The following TMEM167A variants were observed in gnomAD, a reference collection of about 807,000 sequenced individuals.
TMEM167A encodes protein kish-A.
A neutral mutation model predicts 11.6 loss-of-function variants in TMEM167A; 8 were observed. The observed-to-expected ratio is 0.69, with a 90% confidence interval of 0.40 to 1.24. TMEM167A has a LOEUF of 1.24. Among genes scored for constraint, TMEM167A ranks in the 50% most tolerant of loss-of-function variants. The pLI, the probability that TMEM167A is intolerant of heterozygous loss-of-function variation, is 0.01. For synonymous variants in TMEM167A, 22 were observed against 28.0 expected, an observed-to-expected ratio of 0.79 and a Z score of 0.67; for missense variants, 62 against 87.0, an observed-to-expected ratio of 0.71 and a Z score of 1.14.
chr5:83,060,647 T>C (rs932669719), intron 3 of TMEM167A, among the ~76,000 whole-genome samples: 2 of 151,962 alleles, frequency 1.3e-5, no homozygotes, highest in Admixed American at 6.6e-5. Context: ...CTGGCCGACA[T>C]AGTGAAACCC....
Position 83,077,365 on chromosome 5 carries a change from C to G in TMEM167A, c.-42G>C. On this transcript the variant is annotated 5_prime_UTR_variant, in exon 1 of 4. Transcript: ENST00000502346. Reference sequence around the variant, plus strand: ...CCGCAGCCACATCACCCTTCCGGGGCTCAGGCGGAAGAGGCTGCATGTCCC... The same window carrying G: ...CCGCAGCCACATCACCCTTCCGGGGGTCAGGCGGAAGAGGCTGCATGTCCC... The G allele has an allele frequency of 6.2e-7, 1 of 1,614,160 alleles. No individual in the cohort carries two copies. The highest frequency in any genetic ancestry group is 8.5e-7 in the Non-Finnish European group (1 of 1,179,998).
chr5:83,065,779 G>T (rs1172790830), intron 1 of TMEM167A, among the ~76,000 whole-genome samples: 6 of 152,114 alleles, frequency 3.9e-5, no homozygotes, highest in African/African-American at 1.4e-4. Flanking sequence ...AATAGTTTGA[G>T]TCTTATTCCA....
chr5:83,069,982 C>T (rs776386362), intron 1 of TMEM167A, among the ~76,000 whole-genome samples: 3 of 152,072 alleles, frequency 2.0e-5, no homozygotes, highest in Non-Finnish European at 2.9e-5. Flanking sequence ...TATATGCTTA[C>T]TTCTCAAGAA....
intron 3 of TMEM167A, among the ~76,000 whole-genome samples, chr5:83,061,362 G>C (rs1224016887): frequency 6.6e-6 from 1 of 152,126 alleles, no homozygotes; most frequent in African/African-American, 2.4e-5. Context: ...ATCTAAATTA[G>C]AAAGATTTTC....
intron 3 of TMEM167A, among the ~76,000 whole-genome samples, chr5:83,059,933 T>C (rs908897094): frequency 5.3e-5 from 8 of 151,418 alleles, no homozygotes; most frequent in Admixed American, 2.6e-4. Flanking sequence ...CTAGGGTATA[T>C]CTGTGATTTT....
intron 2 of TMEM167A, among the ~76,000 whole-genome samples, chr5:83,063,698 C>T (rs1438238721): frequency 6.6e-6 from 1 of 151,952 alleles, no homozygotes; most frequent in Non-Finnish European, 1.5e-5. Context: ...ATTTTACTTA[C>T]ACATGCACAC....
chr5:83,062,843 T>C (rs947626199), intron 2 of TMEM167A, among the ~76,000 whole-genome samples: 2 of 149,818 alleles, frequency 1.3e-5, no homozygotes, highest in African/African-American at 2.5e-5. Flanking sequence ...GAAAAATTTA[T>C]AGTATACTTT....
chr5:83,065,923 C>T (rs371096572), intron 1 of TMEM167A, among the ~76,000 whole-genome samples: 20 of 152,202 alleles, frequency 1.3e-4, no homozygotes, highest in South Asian at 6.2e-4. Context: ...TCTAGCATCA[C>T]CTTTTTAAGG....
chr5:83,075,259 T>C (rs1388055040), intron 1 of TMEM167A, among the ~76,000 whole-genome samples: 1 of 151,662 alleles, frequency 6.6e-6, no homozygotes, highest in Non-Finnish European at 1.5e-5. Context: ...TAGAAGAAAA[T>C]AGAAGGGGTT....
chr5:83,061,994 A>G (rs1744414095), intron 2 of TMEM167A, 83 bp from the exon 3 acceptor site: 1 of 1,126,224 alleles, frequency 8.9e-7, no homozygotes, highest in South Asian at 1.3e-5. Flanking sequence ...ATAGGGAATT[A>G]ATTGTATATT....
intron 1 of TMEM167A, among the ~76,000 whole-genome samples, chr5:83,071,837 C>A (rs746881719): frequency 6.6e-5 from 10 of 152,076 alleles, no homozygotes; most frequent in Non-Finnish European, 1.3e-4. Context: ...ACAGTGGCCA[C>A]AAAATATTTG....
At chr5:83,057,287 A>G in intron 3 of TMEM167A, 133 bp from the exon 4 acceptor site, 1 of 699,260 alleles carries the variant, frequency 1.4e-6, no homozygotes, top group Non-Finnish European at 2.5e-6. Context: ...GGGCAGTGAC[A>G]AAAACTAGAT....
intron 1 of TMEM167A, among the ~76,000 whole-genome samples, chr5:83,071,625 G>T (rs1056736028): frequency 5.3e-5 from 8 of 152,266 alleles, no homozygotes; most frequent in African/African-American, 1.9e-4. Flanking sequence ...AGAATTGGTT[G>T]AAAAGATTTC....
chr5:83,064,704 G>A (rs1744456358), intron 2 of TMEM167A, among the ~76,000 whole-genome samples: 1 of 152,034 alleles, frequency 6.6e-6, no homozygotes. Flanking sequence ...GTGTCTACAA[G>A]GAGATGGAGT....
chr5:83,064,318 G>A (rs1408026430), intron 2 of TMEM167A: 1 of 518,572 alleles, frequency 1.9e-6, no homozygotes, highest in South Asian at 1.4e-5. Flanking sequence ...GGAATGAGAA[G>A]CAGACATTTC....
At chr5:83,057,305 A>G (rs1466850507) in intron 3 of TMEM167A, 151 bp from the exon 4 acceptor site, 3 of 641,226 alleles carry the variant, frequency 4.7e-6, no homozygotes, top group Non-Finnish European at 8.3e-6. Flanking sequence ...GATGCAACAT[A>G]AAAAACAAGT....
At chr5:83,068,505 T>C (rs1012484924) in intron 1 of TMEM167A, among the ~76,000 whole-genome samples, 6 of 152,086 alleles carry the variant, frequency 3.9e-5, no homozygotes, top group Non-Finnish European at 7.4e-5. Context: ...TTGTTGAATG[T>C]GGAAGTGAGT....
At chr5:83,071,053 A>G (rs561477811) in intron 1 of TMEM167A, among the ~76,000 whole-genome samples, 2 of 152,278 alleles carry the variant, frequency 1.3e-5, no homozygotes, top group Admixed American at 6.5e-5. Context: ...ATGCTAAACA[A>G]GCTGTGGCTA....
rs1166742757 is a variant in TMEM167A, at chr5:83,053,342, T to G, written c.*3742A>C. The stretch of plus-strand genomic sequence containing the variant: ...CACTGCTTCTTGTGCAGGTGTGTGC[T>G]TTAACAATCAGGGCTGCTTTTGGTA... On this transcript the variant is annotated 3_prime_UTR_variant, in exon 4 of 4. Coordinates refer to ENST00000502346, the MANE Select transcript of TMEM167A (RefSeq NM_174909.5). 6.6e-6 allele frequency: 1 copy of G among 151,932 alleles called. No homozygotes were observed. Among genetic ancestry groups the G allele is most frequent in the Non-Finnish European group, 1.5e-5 (1 of 67,920 alleles). 9.4% of individuals were successfully genotyped at this position (151,932 alleles called of 1,614,324 possible).
Sources: gnomAD v4.1 joint callset for allele counts (sites outside exome capture counted in the v4.1 genomes callset) on GRCh38, gnomAD v4.1.1 for gene constraint, MANE v1.5 for transcripts, NCBI Gene and HGNC (gene_info 2026-07-23, HGNC 2026-07-21) for gene names.